Variants in VPS37A observed in about 807,000 individuals in gnomAD.
VPS37A encodes VPS37A subunit of ESCRT-I, also known as vacuolar protein sorting-associated protein 37A.
VPS37A carries 30 observed loss-of-function variants against 49.8 expected under a neutral mutation model. The observed-to-expected ratio is 0.60, with a 90% CI of 0.45 to 0.82. VPS37A has a LOEUF of 0.82. VPS37A is among the 40% of genes least tolerant of loss of function. VPS37A has a pLI of 0.00. For synonymous variants in VPS37A, 195 were observed against 160.6 expected (o/e 1.21, Z -1.62); for missense variants, 593 against 464.4 (o/e 1.28, Z -2.55).
At chr8:17,319,664 C>T in the VPS37A span, among the ~76,000 whole-genome samples, 2 of 152,158 alleles carry the variant, frequency 1.3e-5, no homozygotes, top group African/African-American at 4.8e-5. Context: ...GAGGAAGGCA[C>T]TTATTATTCT....
At chr8:17,318,089 C>T in the VPS37A span, among the ~76,000 whole-genome samples, 3 of 152,106 alleles carry the variant, frequency 2.0e-5, no homozygotes, top group Admixed American at 6.5e-5. Context: ...CTCATGCACT[C>T]AGGATGATGA....
intron 1 of VPS37A, among the ~76,000 whole-genome samples, chr8:17,255,102 C>T (rs1563239240): frequency 6.6e-6 from 1 of 152,294 alleles, no homozygotes; most frequent in African/African-American, 2.4e-5. Flanking sequence ...CATTTCCTTG[C>T]AGGATGCTGG....
chr8:17,311,673 T>C, the VPS37A span: 2 of 1,613,232 alleles, frequency 1.2e-6, no homozygotes, highest in East Asian at 2.2e-5. Context: ...TCACAAAGAA[T>C]GGCTGTAAAA....
rs529736602 is a variant in VPS37A, at chr8:17,256,290, A to ATTTTTTTTTTTTTT, written c.125+8936_125+8949dup. On this transcript the variant is annotated intron_variant, in intron 1 of 11. Transcript: ENST00000324849. ...AAGTCTTTTTAGCTGGGGTAAAATG[A>ATTTTTTTTTTTTTT]TTTTTTTTTTTTTTTTTTTTTTTTT... is the stretch of plus-strand genomic sequence containing the variant. Among the ~76,000 whole-genome samples, 106 of 60,402 alleles carry ATTTTTTTTTTTTTT rather than the reference A, an allele frequency of 1.8e-3. 16 individuals are homozygous for ATTTTTTTTTTTTTT. The highest frequency in any genetic ancestry group is 7.5e-3 in the African/African-American group (103 of 13,738). The allele number at this position is 60,402 out of a possible 152,430, so 39.6% of individuals were successfully genotyped here. A position where few individuals can be genotyped will look rare whatever the true frequency, so the allele number is the denominator to read the frequency against.
the VPS37A span, among the ~76,000 whole-genome samples, chr8:17,331,943 G>A: frequency 7.2e-5 from 11 of 152,188 alleles, no homozygotes; most frequent in Admixed American, 7.2e-4. Context: ...GAGAAGTTGG[G>A]GTCTCCAAGT....
the VPS37A span, chr8:17,313,285 T>G: frequency 6.3e-7 from 1 of 1,598,718 alleles, no homozygotes; most frequent in Non-Finnish European, 8.6e-7. Flanking sequence ...TCTCTGCAAT[T>G]GCATACCTTT....
intron 1 of VPS37A, among the ~76,000 whole-genome samples, chr8:17,252,799 A>G (rs1456049992): frequency 6.6e-6 from 1 of 152,232 alleles, no homozygotes; most frequent in Non-Finnish European, 1.5e-5. Flanking sequence ...AGGAAATAAC[A>G]TTAACTTGTA....
chr8:17,303,030 T>G (rs1389228933), downstream of VPS37A, among the ~76,000 whole-genome samples: 1 of 152,022 alleles, frequency 6.6e-6, no homozygotes. Flanking sequence ...CTTTTTATCC[T>G]ACACAAAAAA....
At chr8:17,274,683 A>T in intron 4 of VPS37A, 50 bp from the exon 5 acceptor site, 1 of 1,454,978 alleles carries the variant, frequency 6.9e-7, no homozygotes. Flanking sequence ...ACAATTTGAC[A>T]TGTTTTATCC....
At chr8:17,276,119 C>T (rs935246542) in intron 5 of VPS37A, among the ~76,000 whole-genome samples, 1 of 152,014 alleles carries the variant, frequency 6.6e-6, no homozygotes, top group Non-Finnish European at 1.5e-5. Context: ...AAATCTACAG[C>T]CATGTACTTA....
downstream of VPS37A, chr8:17,298,587 G>C (rs1044994670): frequency 5.9e-5 from 9 of 152,282 alleles, no homozygotes; most frequent in African/African-American, 1.5e-4. Context: ...AAATTGTAAA[G>C]TTTAAATTAA....
chr8:17,267,295 C>T (rs1813558216), intron 2 of VPS37A, among the ~76,000 whole-genome samples: 1 of 152,026 alleles, frequency 6.6e-6, no homozygotes, highest in South Asian at 2.1e-4. Context: ...AACAGTATGA[C>T]CAACAAATAG....
chr8:17,280,130 A>T lies in VPS37A; in HGVS notation c.816A>T (p.Leu272Phe), dbSNP rs762239602. Residue 272 changes from leucine (L) to phenylalanine (F), a missense_variant, in exon 7 of 12, where the codon TTA becomes TTT. Coordinates refer to ENST00000324849, the MANE Select transcript of VPS37A (RefSeq NM_152415.3). ...AAATTATTACCGACAAAGATGACTTAGTAAAAAGTATTGAGGAACTAGCAA... is the reference window on the plus strand; with the variant it reads ...AAATTATTACCGACAAAGATGACTTTGTAAAAAGTATTGAGGAACTAGCAA... Reference protein sequence around the residue: ...LKQIITDKDDLVKSIEELARK... With the variant: ...LKQIITDKDDFVKSIEELARK... 6.2e-7 allele frequency: 1 copy of T among 1,612,760 alleles called. No homozygotes were observed. Among genetic ancestry groups the T allele is most frequent in the Non-Finnish European group, 8.5e-7 (1 of 1,179,288 alleles).
chr8:17,311,667 A>C, the VPS37A span: 6 of 1,613,676 alleles, frequency 3.7e-6, no homozygotes, highest in South Asian at 6.6e-5. Context: ...AAAGAGTCAC[A>C]AAGAATGGCT....
At chr8:17,305,263 A>G (rs1817376876), downstream of VPS37A, among the ~76,000 whole-genome samples, 1 of 152,226 alleles carries the variant, frequency 6.6e-6, no homozygotes, top group South Asian at 2.1e-4. Context: ...TCTCATGTAT[A>G]CTGCCTAAAT....
chr8:17,260,520 G>C (rs915444373), intron 1 of VPS37A, among the ~76,000 whole-genome samples: 1 of 151,960 alleles, frequency 6.6e-6, no homozygotes, highest in African/African-American at 2.4e-5. Flanking sequence ...GAGGATTCTG[G>C]GTTTCTCTGT....
chr8:17,314,620 A>AC, the VPS37A span, among the ~76,000 whole-genome samples: 1 of 152,216 alleles, frequency 6.6e-6, no homozygotes, highest in Non-Finnish European at 1.5e-5. Context: ...AGCCACACAC[A>AC]AAAAAGCACA....
rs995240992 is a variant in VPS37A at position 17,296,954 on chromosome 8, G to A, written c.*1968G>A. ...ACAAATCAGTTTACATAAAGGTTAT[G>A]TATGTCACCCACGATGAAAAGAATC... On this transcript the variant is annotated 3_prime_UTR_variant, in exon 12 of 12. Transcript: ENST00000324849. The A allele has an allele frequency of 6.6e-6, 1 of 152,138 alleles. No individual in the cohort carries two copies. The highest frequency in any genetic ancestry group is 6.5e-5 in the Admixed American group (1 of 15,270). 9.4% of individuals were successfully genotyped at this position (152,138 alleles called of 1,614,324 possible).
At chr8:17,247,421 G>GTGC in intron 1 of VPS37A, 52 bp downstream of exon 1, 1 of 163,976 alleles carries the variant, frequency 6.1e-6, no homozygotes, top group Non-Finnish European at 1.2e-5. Flanking sequence ...GGGAGGGCGG[G>GTGC]CTTGTCCTAA....
Sources: allele counts gnomAD v4.1 joint callset (sites outside exome capture counted in the v4.1 genomes callset), GRCh38; gene constraint gnomAD v4.1.1; transcripts MANE v1.5; gene names NCBI Gene and HGNC (gene_info 2026-07-23, HGNC 2026-07-21).